CTNND2: variants seen among roughly 807,000 people sequenced by gnomAD.
CTNND2 encodes catenin delta-2.
CTNND2 carries 22 observed loss-of-function variants against 144.4 expected under a neutral mutation model. The observed-to-expected ratio is 0.15, with a 90% CI of 0.11 to 0.22. CTNND2 has a LOEUF of 0.22. Among genes scored for constraint, CTNND2 ranks in the 10% least tolerant of loss-of-function variants. The pLI, the probability that CTNND2 is intolerant of heterozygous loss-of-function variation, is 1.00. For synonymous variants in CTNND2, 751 were observed against 695.6 expected, an observed-to-expected ratio of 1.08 and a Z score of -1.25; for missense variants, 1,353 against 1,618.8, an observed-to-expected ratio of 0.84 and a Z score of 2.82.
chr5:11,510,888 G>A (rs1771574219), intron 3 of CTNND2, among the ~76,000 whole-genome samples: 1 of 151,196 alleles, frequency 6.6e-6, no homozygotes, highest in Non-Finnish European at 1.5e-5. Context: ...CCGAGATTGA[G>A]CTACTGCACC....
intron 2 of CTNND2, among the ~76,000 whole-genome samples, chr5:11,714,787 T>C (rs1422936095): frequency 6.6e-6 from 1 of 151,744 alleles, no homozygotes; most frequent in Non-Finnish European, 1.5e-5. Flanking sequence ...CAGGTGCCTG[T>C]AGTCCCAGCT....
intron 7 of CTNND2, among the ~76,000 whole-genome samples, chr5:11,381,352 G>T (rs973326210): frequency 6.6e-6 from 1 of 152,086 alleles, no homozygotes; most frequent in African/African-American, 2.4e-5. Flanking sequence ...GGTGCCCATG[G>T]GTTTAGCAAA....
chr5:11,059,225 C>T (rs1746662093), intron 16 of CTNND2, among the ~76,000 whole-genome samples: 1 of 152,158 alleles, frequency 6.6e-6, no homozygotes, highest in Non-Finnish European at 1.5e-5. Context: ...ACACCCAAAT[C>T]TCATCTAGAA....
At chr5:11,405,303 G>A (rs1390657664) in intron 5 of CTNND2, among the ~76,000 whole-genome samples, 2 of 152,338 alleles carry the variant, frequency 1.3e-5, no homozygotes, top group African/African-American at 4.8e-5. Flanking sequence ...CTTCTTACTT[G>A]ATGCCTTTGC....
rs760066114 is a variant in CTNND2, at chr5:11,346,523, C to T, written c.1477G>A (p.Ala493Thr). Residue 493 changes from alanine to threonine, a missense_variant, in exon 9 of 22, where the codon GCC (alanine) becomes ACC (threonine). Transcript: ENST00000304623. ...AATFQRASYA[A>T]GPASNYADPY... Reference sequence around the variant, plus strand: ...TCCGCGTAATTGGAGGCTGGGCCGGCGGCATAGCTGGCCCTCTGGAAGGTG... The same window carrying T: ...TCCGCGTAATTGGAGGCTGGGCCGGTGGCATAGCTGGCCCTCTGGAAGGTG... 1.9e-5 allele frequency: 30 copies of T among 1,604,758 alleles called. No individual in the cohort carries two copies. The highest frequency in any genetic ancestry group is 1.6e-4 in the Middle Eastern group (1 of 6,066).
intron 9 of CTNND2, among the ~76,000 whole-genome samples, chr5:11,337,791 G>A (rs1561240916): frequency 6.6e-6 from 1 of 152,046 alleles, no homozygotes; most frequent in African/African-American, 2.4e-5. Flanking sequence ...ATTAAGTTCT[G>A]ACTTCTACTG....
intron 1 of CTNND2, among the ~76,000 whole-genome samples, chr5:11,851,559 C>T (rs1385102665): frequency 6.6e-6 from 1 of 152,192 alleles, no homozygotes; most frequent in Admixed American, 6.5e-5. Context: ...TGTTCATTAA[C>T]ACAGGGCCTG....
At chr5:11,192,960 A>T (rs1000003620) in intron 11 of CTNND2, among the ~76,000 whole-genome samples, 1 of 152,144 alleles carries the variant, frequency 6.6e-6, no homozygotes, top group Non-Finnish European at 1.5e-5. Flanking sequence ...GGGGGTCACA[A>T]TGACTTGCTT....
intron 1 of CTNND2, among the ~76,000 whole-genome samples, chr5:11,793,599 C>T (rs963731871): frequency 6.6e-6 from 1 of 152,196 alleles, no homozygotes; most frequent in Non-Finnish European, 1.5e-5. Context: ...TGGAGTGATG[C>T]TGCCACCAGC....
intron 14 of CTNND2, among the ~76,000 whole-genome samples, chr5:11,104,598 T>G (rs1270288031): frequency 6.6e-6 from 1 of 152,130 alleles, no homozygotes; most frequent in African/African-American, 2.4e-5. Context: ...ATTCAAAAAC[T>G]CCAGTTAACT....
chr5:11,664,098 G>C (rs1783424958), intron 2 of CTNND2, among the ~76,000 whole-genome samples: 1 of 152,120 alleles, frequency 6.6e-6, no homozygotes, highest in Non-Finnish European at 1.5e-5. Flanking sequence ...GAATGCCTCA[G>C]ATAAAGCTGC....
intron 9 of CTNND2, among the ~76,000 whole-genome samples, chr5:11,264,664 T>C (rs1225637444): frequency 6.6e-6 from 1 of 152,220 alleles, no homozygotes; most frequent in Non-Finnish European, 1.5e-5. Flanking sequence ...GTGTGGTGGC[T>C]CATGCCTATA....
intron 2 of CTNND2, among the ~76,000 whole-genome samples, chr5:11,708,070 A>G (rs1048471267): frequency 1.3e-5 from 2 of 150,176 alleles, no homozygotes; most frequent in Non-Finnish European, 3.0e-5. Context: ...TTTTTGAGAT[A>G]GGGTCTCACT....
At chr5:11,275,011 T>C (rs1746384697) in intron 9 of CTNND2, among the ~76,000 whole-genome samples, 1 of 152,102 alleles carries the variant, frequency 6.6e-6, no homozygotes, top group Non-Finnish European at 1.5e-5. Context: ...TAATTACGGG[T>C]ATAGAGTTGG....
chr5:11,191,667 C>A (rs561906211), intron 11 of CTNND2, among the ~76,000 whole-genome samples: 1 of 152,196 alleles, frequency 6.6e-6, no homozygotes, highest in African/African-American at 2.4e-5. Flanking sequence ...GCACGTACCC[C>A]CTGCTGCTGC....
chr5:11,359,277 C>T (rs977461900), intron 8 of CTNND2, among the ~76,000 whole-genome samples: 9 of 152,170 alleles, frequency 5.9e-5, no homozygotes, highest in African/African-American at 2.2e-4. Context: ...TATCTCTTTA[C>T]ATTTTCATCA....
intron 2 of CTNND2, among the ~76,000 whole-genome samples, chr5:11,632,423 A>C (rs1333218006): frequency 6.6e-6 from 1 of 152,218 alleles, no homozygotes; most frequent in East Asian, 1.9e-4. Context: ...GAACAGAGAA[A>C]ACAGACCTCA....
intron 9 of CTNND2, among the ~76,000 whole-genome samples, chr5:11,273,039 A>G (rs576820691): frequency 6.6e-6 from 1 of 152,330 alleles, no homozygotes; most frequent in African/African-American, 2.4e-5. Context: ...GCAGACCTGT[A>G]TTACAAAACA....
chr5:11,472,599 C>A (rs1767336070), intron 3 of CTNND2, among the ~76,000 whole-genome samples: 1 of 152,114 alleles, frequency 6.6e-6, no homozygotes, highest in Admixed American at 6.5e-5. Context: ...TTCTGCATTT[C>A]AATCTTAGGA....
Sources: gnomAD v4.1 joint callset for allele counts (sites outside exome capture counted in the v4.1 genomes callset) on GRCh38, gnomAD v4.1.1 for gene constraint, MANE v1.5 for transcripts, NCBI Gene and HGNC (gene_info 2026-07-23, HGNC 2026-07-21) for gene names.